The following CCDC169 variants were observed in gnomAD, a reference collection of about 807,000 sequenced individuals.
The protein encoded by CCDC169 is coiled-coil domain containing 169, also known as coiled-coil domain-containing protein 169.
CCDC169 carries 30 observed loss-of-function variants against 36.0 expected under a neutral mutation model. That is an observed-to-expected ratio of 0.83 (90% CI 0.62 to 1.13). The LOEUF is 1.13. Among genes scored for constraint, CCDC169 ranks in the 50% most tolerant of loss-of-function variants. The pLI is 0.00. For missense variants in CCDC169, 245 were observed against 245.9 expected, an observed-to-expected ratio of 1.00 and a Z score of 0.03; for synonymous variants, 85 against 81.5, an observed-to-expected ratio of 1.04 and a Z score of -0.23.
chr13:36,290,081 G>A (rs1878685133), intron 2 of CCDC169, among the ~76,000 whole-genome samples: 1 of 152,078 alleles, frequency 6.6e-6, no homozygotes, highest in Non-Finnish European at 1.5e-5. Context: ...AAGTTACAGG[G>A]CTTTGACTCC....
chr13:36,279,280 A>C (rs1010183145), intron 4 of CCDC169, among the ~76,000 whole-genome samples: 7 of 152,082 alleles, frequency 4.6e-5, no homozygotes, highest in African/African-American at 1.2e-4. Context: ...ATACAAAAAA[A>C]ATTCACACTC....
chr13:36,246,084 C>T (rs1872472351), intron 7 of CCDC169, among the ~76,000 whole-genome samples: 1 of 152,196 alleles, frequency 6.6e-6, no homozygotes, highest in African/African-American at 2.4e-5. Context: ...GGGTCTCTCT[C>T]CCTCTCTTTG....
intron 2 of CCDC169, among the ~76,000 whole-genome samples, chr13:36,290,498 T>G (rs1288843228): frequency 6.6e-6 from 1 of 152,136 alleles, no homozygotes; most frequent in African/African-American, 2.4e-5. Context: ...TTGAAACTAT[T>G]GAATCCCTCC....
chr13:36,227,984 C>T (rs7996931), downstream of CCDC169, among the ~76,000 whole-genome samples: 61,663 of 152,058 alleles, frequency 0.41, 13,277 homozygotes, highest in Non-Finnish European at 0.48. Flanking sequence ...ACCCATGTTG[C>T]AGCATATATC....
At chr13:36,285,403 A>G (rs1878057404) in intron 2 of CCDC169, among the ~76,000 whole-genome samples, 1 of 152,144 alleles carries the variant, frequency 6.6e-6, no homozygotes, top group Non-Finnish European at 1.5e-5. Flanking sequence ...TACAAAAATT[A>G]GCCAGGCATG....
chr13:36,232,064 TAAC>T (rs1322367826), intron 7 of CCDC169, among the ~76,000 whole-genome samples: 5 of 152,092 alleles, frequency 3.3e-5, no homozygotes, highest in Admixed American at 1.3e-4. Context: ...ATTTATAAAA[TAAC>T]AACAACAGCA....
intron 2 of CCDC169, among the ~76,000 whole-genome samples, chr13:36,291,989 CTTTTTTT>C (rs35326800): frequency 3.0e-5 from 4 of 134,868 alleles, no homozygotes; most frequent in South Asian, 4.7e-4. Flanking sequence ...AATAAGTCTT[CTTTTTTT>C]TTTTTTTTTT....
chr13:36,248,457 T>C, intron 7 of CCDC169, 149 bp downstream of exon 7: 1 of 636,408 alleles, frequency 1.6e-6, no homozygotes, highest in East Asian at 2.9e-5. Flanking sequence ...AGATCACAAC[T>C]TCTTTAAGTT....
intron 4 of CCDC169, among the ~76,000 whole-genome samples, chr13:36,255,516 A>G (rs1456581062): frequency 1.3e-5 from 2 of 152,216 alleles, no homozygotes; most frequent in Non-Finnish European, 2.9e-5. Flanking sequence ...TACAAAAATT[A>G]GCTGGCATGG....
chr13:36,259,560 C>T (rs1874351714), intron 4 of CCDC169, among the ~76,000 whole-genome samples: 1 of 152,152 alleles, frequency 6.6e-6, no homozygotes, highest in South Asian at 2.1e-4. Flanking sequence ...TTAGAGGTTT[C>T]CAATTGGTTA....
At chr13:36,262,324 C>T (rs1874707309) in intron 4 of CCDC169, among the ~76,000 whole-genome samples, 1 of 152,118 alleles carries the variant, frequency 6.6e-6, no homozygotes, top group South Asian at 2.1e-4. Flanking sequence ...TGAACTGTAC[C>T]AGCATGACTG....
chr13:36,248,102 T>C (rs1332785882), intron 7 of CCDC169, among the ~76,000 whole-genome samples: 2 of 152,202 alleles, frequency 1.3e-5, no homozygotes, highest in Non-Finnish European at 2.9e-5. Flanking sequence ...TTTTTCAGCA[T>C]AAAATCTTTT....
Position 36,248,675 on chromosome 13 carries a change from C to G in CCDC169, c.476G>C (p.Gly159Ala), listed in dbSNP as rs1397360320. Reference sequence around the variant, plus strand: ...TTGCCTTTTAGAAACTTGATGTAAACCAGAACCCTGAAATACAAAAATTTG... The same window carrying G: ...TTGCCTTTTAGAAACTTGATGTAAAGCAGAACCCTGAAATACAAAAATTTG... ...TYLAEMSQGS[G>A]LHQVSKRQQV... The change falls in exon 7 of 8, where the codon GGT (glycine) becomes GCT (alanine). Residue 159 changes from glycine to alanine, a missense_variant. By Grantham distance (60) the Gly-to-Ala change is moderately conservative. Coordinates refer to ENST00000239859, the MANE Select transcript of CCDC169 (RefSeq NM_001144981.3). 1.3e-6 allele frequency: 2 copies of G among 1,549,886 alleles called. No homozygotes were observed. Among genetic ancestry groups the G allele is most frequent in the East Asian group, 4.9e-5 (2 of 40,846 alleles).
At chr13:36,226,322 G>A (rs2138360724), downstream of CCDC169, 1 of 152,278 alleles carries the variant, frequency 6.6e-6, no homozygotes, top group Admixed American at 6.5e-5. Context: ...GGATGGTTTT[G>A]GGATGAAACT....
chr13:36,297,588 G>A (rs772562843), intron 1 of CCDC169, 49 bp downstream of exon 1: 1 of 1,522,920 alleles, frequency 6.6e-7, no homozygotes. Context: ...GCAGGTGAAG[G>A]CTCGGGGGGT....
chr13:36,244,474 TG>T (rs1872245182), intron 7 of CCDC169: 1 of 152,176 alleles, frequency 6.6e-6, no homozygotes, highest in African/African-American at 2.4e-5. Context: ...TGCAATTTTT[TG>T]CTGGAGGAAT....
At chr13:36,254,182 T>G in intron 4 of CCDC169, 39 bp from the exon 5 acceptor site, 2 of 1,356,710 alleles carry the variant, frequency 1.5e-6, no homozygotes, top group Non-Finnish European at 2.0e-6. Flanking sequence ...TGTACTCATG[T>G]TCTAAACAAA....
At chr13:36,257,532 G>A (rs188336799) in intron 4 of CCDC169, among the ~76,000 whole-genome samples, 3 of 151,794 alleles carry the variant, frequency 2.0e-5, no homozygotes, top group African/African-American at 7.3e-5. Context: ...GTGAAACCCC[G>A]TCTGTACTAA....
intron 4 of CCDC169, among the ~76,000 whole-genome samples, chr13:36,265,455 A>C (rs1875152948): frequency 6.6e-6 from 1 of 152,228 alleles, no homozygotes; most frequent in Non-Finnish European, 1.5e-5. Context: ...CAGTGATATC[A>C]CATCGGGCAA....
Sources: gnomAD v4.1 joint callset for allele counts (sites outside exome capture counted in the v4.1 genomes callset) on GRCh38, gnomAD v4.1.1 for gene constraint, MANE v1.5 for transcripts, NCBI Gene and HGNC (gene_info 2026-07-23, HGNC 2026-07-21) for gene names.